ZNF469: variants seen among roughly 807,000 people sequenced by gnomAD.
The protein encoded by ZNF469 is zinc finger protein 469.
In ZNF469, 1 loss-of-function variant was observed where a neutral mutation model predicts 1.0. That is an observed-to-expected ratio of 1.00 (90% confidence interval 0.35 to 4.73). The LOEUF is 4.73. Among genes scored for constraint, ZNF469 ranks in the 30% most tolerant of loss-of-function variants. The probability of loss-of-function intolerance (pLI) is 0.16; values close to 1 mark genes in which losing one functional copy is unlikely to be tolerated. For missense variants in ZNF469, 6,100 were observed against 5,356.3 expected, an observed-to-expected ratio of 1.14 and a Z score of -4.33; for synonymous variants, 2,703 against 2,363.4, an observed-to-expected ratio of 1.14 and a Z score of -4.17.
the ZNF469 span, among the ~76,000 whole-genome samples, chr16:88,288,602 T>C: frequency 6.6e-6 from 1 of 152,160 alleles, no homozygotes; most frequent in Non-Finnish European, 1.5e-5. Context: ...TCACAATGAA[T>C]CAAAAACAAG....
At chr16:88,329,591 C>G in the ZNF469 span, among the ~76,000 whole-genome samples, 9 of 152,174 alleles carry the variant, frequency 5.9e-5, no homozygotes, top group East Asian at 5.8e-4. Flanking sequence ...CTCTGCCAGC[C>G]ACTTCTGCCC....
the ZNF469 span, among the ~76,000 whole-genome samples, chr16:88,287,279 G>A: frequency 1.3e-5 from 2 of 152,250 alleles, no homozygotes; most frequent in Non-Finnish European, 2.9e-5. Context: ...GGACACAGGA[G>A]TTTCCAGTGT....
chr16:88,280,846 G>A, the ZNF469 span, among the ~76,000 whole-genome samples: 99,355 of 150,266 alleles, frequency 0.66, 32,408 homozygotes, highest in East Asian at 0.76. Flanking sequence ...TACTGTGCTG[G>A]TGTCGGTGCA....
At chr16:88,188,057 T>C in the ZNF469 span, among the ~76,000 whole-genome samples, 1 of 152,052 alleles carries the variant, frequency 6.6e-6, no homozygotes, top group African/African-American at 2.4e-5. Context: ...ACTTTGGAGC[T>C]CAGGGCCTGG....
the ZNF469 span, among the ~76,000 whole-genome samples, chr16:88,174,939 CGTGTGT>C: frequency 3.1e-4 from 46 of 150,276 alleles, no homozygotes; most frequent in Admixed American, 7.3e-4. Context: ...TAGGGTCAAC[CGTGTGT>C]GTGTGTGTGT....
chr16:88,286,553 C>G, the ZNF469 span, among the ~76,000 whole-genome samples: 4 of 152,234 alleles, frequency 2.6e-5, no homozygotes, highest in African/African-American at 9.6e-5. Flanking sequence ...GGACATGGCC[C>G]CTCACCTGGC....
the ZNF469 span, among the ~76,000 whole-genome samples, chr16:88,365,773 A>T: frequency 6.6e-6 from 1 of 152,094 alleles, no homozygotes; most frequent in South Asian, 2.1e-4. Flanking sequence ...TTGCAATTAC[A>T]TCTGTGGTCG....
At chr16:88,132,293 G>A in the ZNF469 span, among the ~76,000 whole-genome samples, 3 of 152,228 alleles carry the variant, frequency 2.0e-5, no homozygotes, top group African/African-American at 4.8e-5. Context: ...GGGGACGGAC[G>A]CTCTCTCTGT....
the ZNF469 span, among the ~76,000 whole-genome samples, chr16:88,174,507 T>TATC: frequency 7.3e-6 from 1 of 136,440 alleles, no homozygotes; most frequent in Non-Finnish European, 1.5e-5. Context: ...TCTATCTATC[T>TATC]ATCTATCATC....
At position 88,439,476 on chromosome 16, in the gene ZNF469, G is replaced by C; in HGVS notation, c.*144G>C. 3.2e-6 allele frequency: 3 copies of C among 931,574 alleles called. No homozygotes were observed. The highest frequency in any genetic ancestry group is 4.9e-6 in the Non-Finnish European group (3 of 607,096). The allele number at this position is 931,574 out of a possible 1,614,324, so 57.7% of individuals were successfully genotyped here. On this transcript the variant is annotated 3_prime_UTR_variant, in exon 3 of 3. Transcript: ENST00000565624. Reference sequence around the variant, plus strand: ...GCTCAGGCCTTGATGTCAGAGCTGAGGTGGTGATGCTTTGAACAGGGCCCA... The same window carrying C: ...GCTCAGGCCTTGATGTCAGAGCTGACGTGGTGATGCTTTGAACAGGGCCCA...
Position 88,383,128 on chromosome 16 carries a change from G to T in ZNF469, c.-318G>T, listed in dbSNP as rs931794686. On this transcript the variant is annotated 5_prime_UTR_variant, in exon 1 of 3. Transcript: ENST00000565624. Reference sequence around the variant, plus strand: ...CAGAGCGGCTCGGTGCCCGGCGGGCGGGCGGCCCGGGCGGGCCTGCGGTCG... The same window carrying T: ...CAGAGCGGCTCGGTGCCCGGCGGGCTGGCGGCCCGGGCGGGCCTGCGGTCG... Among the ~76,000 whole-genome samples the T allele has an allele frequency of 1.4e-5, 2 of 148,104 alleles. No homozygotes were observed. Among genetic ancestry groups the T allele is most frequent in the African/African-American group, 4.9e-5 (2 of 40,542 alleles).
chr16:88,195,300 C>T, the ZNF469 span: 2 of 152,248 alleles, frequency 1.3e-5, no homozygotes, highest in African/African-American at 2.4e-5. Flanking sequence ...CAGGGGGTGA[C>T]AGGGCCTGCC....
chr16:88,161,189 C>T, the ZNF469 span, among the ~76,000 whole-genome samples: 1 of 150,652 alleles, frequency 6.6e-6, no homozygotes, highest in Non-Finnish European at 1.5e-5. Context: ...TTTATTAATT[C>T]CATTGAAAAG....
At chr16:88,398,917 C>G (rs1904777305) in intron 1 of ZNF469, among the ~76,000 whole-genome samples, 1 of 152,236 alleles carries the variant, frequency 6.6e-6, no homozygotes, top group Admixed American at 6.5e-5. Flanking sequence ...CTGACCTGCA[C>G]TGCCTCATTT....
chr16:88,428,075 C>T lies in ZNF469; in HGVS notation c.605C>T (p.Thr202Ile), dbSNP rs1247519650. ...ACCAACTATACCTCACCAAGCGCCACCCCCAGGCCCCCAGCCCCGGGGCCC... is the reference window on the plus strand; with the variant it reads ...ACCAACTATACCTCACCAAGCGCCATCCCCAGGCCCCCAGCCCCGGGGCCC... Reference protein sequence around the residue: ...TSTNYTSPSATPRPPAPGPPQ... With the variant: ...TSTNYTSPSAIPRPPAPGPPQ... The change falls in exon 3 of 3, where the codon ACC becomes ATC. Residue 202 changes from threonine (T) to isoleucine (I), a missense_variant. Coordinates refer to ENST00000565624, the MANE Select transcript of ZNF469 (RefSeq NM_001367624.2). 1.3e-6 allele frequency: 2 copies of T among 1,549,914 alleles called. No individual in the cohort carries two copies. The highest frequency in any genetic ancestry group is 1.7e-6 in the Non-Finnish European group (2 of 1,146,832).
At chr16:88,132,447 G>T in the ZNF469 span, among the ~76,000 whole-genome samples, 2 of 152,208 alleles carry the variant, frequency 1.3e-5, no homozygotes, top group Non-Finnish European at 2.9e-5. Context: ...TCTGTGACTG[G>T]CCCCATCTCT....
chr16:88,148,931 C>T, the ZNF469 span, among the ~76,000 whole-genome samples: 1 of 152,184 alleles, frequency 6.6e-6, no homozygotes, highest in African/African-American at 2.4e-5. Flanking sequence ...TGGCACGTGG[C>T]AGGTGCTCTG....
chr16:88,211,231 T>C, the ZNF469 span, among the ~76,000 whole-genome samples: 1 of 152,262 alleles, frequency 6.6e-6, no homozygotes, highest in Non-Finnish European at 1.5e-5. Flanking sequence ...ACGGAGGGTA[T>C]TGATTCTCAT....
the ZNF469 span, among the ~76,000 whole-genome samples, chr16:88,304,108 T>A: frequency 2.6e-5 from 4 of 152,202 alleles, no homozygotes; most frequent in Admixed American, 1.3e-4. Flanking sequence ...GAGGACTTGC[T>A]GGCCTTTGCA....
Sources: gnomAD v4.1 joint callset for allele counts (sites outside exome capture counted in the v4.1 genomes callset) on GRCh38, gnomAD v4.1.1 for gene constraint, MANE v1.5 for transcripts, NCBI Gene and HGNC (gene_info 2026-07-23, HGNC 2026-07-21) for gene names.